Variants in CHST9 observed in about 807,000 individuals in gnomAD.
CHST9 encodes the protein carbohydrate sulfotransferase 9, also known as GalNAc-4-sulfotransferase 2.
Under a neutral mutation model 44.4 loss-of-function variants are expected in CHST9, and 41 were observed. The ratio of observed to expected loss-of-function variants is 0.92; its 90% confidence interval spans 0.72 to 1.20. The LOEUF is 1.20. CHST9 is among the 50% of genes most tolerant of loss of function. CHST9 has a pLI of 0.00. For missense variants in CHST9, 504 were observed against 516.5 expected (o/e 0.98, Z 0.23); for synonymous variants, 171 against 178.4 (o/e 0.96, Z 0.33).
intron 2 of CHST9, among the ~76,000 whole-genome samples, chr18:27,053,127 AGAG>A (rs1371448182): frequency 8.5e-6 from 1 of 117,338 alleles, no homozygotes; most frequent in East Asian, 2.4e-4. Context: ...AGGAGGAAGA[AGAG>A]GAAGAAGAAG....
At chr18:27,105,732 T>C (rs1036319602) in intron 2 of CHST9, among the ~76,000 whole-genome samples, 2 of 152,194 alleles carry the variant, frequency 1.3e-5, no homozygotes. Flanking sequence ...TGATTGTGAT[T>C]ACACATGCAG....
intron 1 of CHST9, among the ~76,000 whole-genome samples, chr18:27,153,574 G>GTGTA (rs1555628632): frequency 1.3e-5 from 2 of 148,708 alleles, no homozygotes; most frequent in Non-Finnish European, 3.0e-5. Context: ...GTGTATGTGT[G>GTGTA]TGTGTGTGTG....
chr18:27,068,464 A>G (rs747268700), intron 2 of CHST9, among the ~76,000 whole-genome samples: 48 of 152,154 alleles, frequency 3.2e-4, no homozygotes, highest in Admixed American at 7.9e-4. Flanking sequence ...TCATATCATT[A>G]TATAAGTTTA....
intron 4 of CHST9, among the ~76,000 whole-genome samples, chr18:27,002,431 G>A (rs956942967): frequency 6.6e-6 from 1 of 152,114 alleles, no homozygotes; most frequent in Non-Finnish European, 1.5e-5. Flanking sequence ...ATCAGCTTAT[G>A]ATTTTTCAGT....
At position 26,917,349 on chromosome 18, in the gene CHST9, T is replaced by C. The variant is rs904246357; in HGVS notation, c.242A>G (p.Asn81Ser). ...EKIQEHITNQ[N>S]PKFHMPEDVR... is the part of the protein sequence containing the mutation. ...ATCCTCAGGCATGTGAAACTTGGGG[T>C]TCTGTTAAAATAAAGAAGGAGAAAT... The change falls in exon 6 of 6, where the codon AAC becomes AGC. Residue 81 changes from asparagine (N) to serine (S), a missense_variant and splice_region_variant. Asn to Ser is a conservative substitution (Grantham distance 46, BLOSUM62 1). Transcript: ENST00000618847. The C allele has an allele frequency of 1.2e-6, 2 of 1,607,558 alleles. No individual in the cohort carries two copies. The highest frequency in any genetic ancestry group is 1.3e-5 in the African/African-American group (1 of 74,484).
chr18:27,091,272 T>C (rs186037900), intron 2 of CHST9, among the ~76,000 whole-genome samples: 12 of 152,290 alleles, frequency 7.9e-5, no homozygotes, highest in Admixed American at 3.9e-4. Context: ...ATAGGAATGC[T>C]TGTAATTTTT....
At chr18:27,045,408 C>T (rs1201055663) in intron 3 of CHST9, among the ~76,000 whole-genome samples, 1 of 151,850 alleles carries the variant, frequency 6.6e-6, no homozygotes, top group African/African-American at 2.4e-5. Context: ...TTCCATGGCC[C>T]ACAAAGAGGT....
intron 1 of CHST9, among the ~76,000 whole-genome samples, chr18:27,158,863 G>A (rs548888739): frequency 3.6e-4 from 55 of 152,314 alleles, no homozygotes; most frequent in African/African-American, 1.2e-3. Context: ...CAGTGATGAT[G>A]AGCATTTTTT....
At chr18:27,009,229 A>G (rs1046312072) in intron 4 of CHST9, among the ~76,000 whole-genome samples, 16 of 151,878 alleles carry the variant, frequency 1.1e-4, no homozygotes, top group African/African-American at 3.9e-4. Flanking sequence ...CCTGGACTAC[A>G]CTCTATTTTA....
At chr18:27,105,976 C>T (rs1042847905) in intron 2 of CHST9, among the ~76,000 whole-genome samples, 3 of 151,974 alleles carry the variant, frequency 2.0e-5, no homozygotes, top group African/African-American at 4.8e-5. Context: ...TTTAGGATTC[C>T]GACTCACTGT....
chr18:27,166,966 G>A (rs1383952292), intron 1 of CHST9, among the ~76,000 whole-genome samples: 1 of 152,232 alleles, frequency 6.6e-6, no homozygotes, highest in Non-Finnish European at 1.5e-5. Flanking sequence ...GGAGCTAGGG[G>A]TAGAGTCCTT....
chr18:27,010,533 A>T (rs947901953), intron 4 of CHST9, among the ~76,000 whole-genome samples: 7 of 152,116 alleles, frequency 4.6e-5, no homozygotes, highest in African/African-American at 1.7e-4. Flanking sequence ...ACAGCCTCGA[A>T]CTTGTATCCT....
chr18:26,937,701 C>A (rs2056018630), intron 5 of CHST9, among the ~76,000 whole-genome samples: 1 of 152,274 alleles, frequency 6.6e-6, no homozygotes, highest in African/African-American at 2.4e-5. Flanking sequence ...TAAGATGAAT[C>A]TTTTGATTTG....
At chr18:27,150,754 G>A (rs903792212) in intron 1 of CHST9, among the ~76,000 whole-genome samples, 1 of 152,128 alleles carries the variant, frequency 6.6e-6, no homozygotes, top group African/African-American at 2.4e-5. Context: ...TTCTTTGTCT[G>A]TAAGAACAGG....
intron 4 of CHST9, among the ~76,000 whole-genome samples, chr18:27,001,745 G>T: frequency 6.6e-6 from 1 of 152,144 alleles, no homozygotes; most frequent in African/African-American, 2.4e-5. Flanking sequence ...AGTTATTGAG[G>T]ATCTCATTTC....
intron 2 of CHST9, among the ~76,000 whole-genome samples, chr18:27,095,571 G>A (rs2058108798): frequency 6.6e-6 from 1 of 152,064 alleles, no homozygotes; most frequent in Admixed American, 6.6e-5. Flanking sequence ...ACGCCAATAG[G>A]CTCAAAGCAA....
Position 26,917,258 on chromosome 18 carries a change from G to A in CHST9, c.333C>T (p.Thr111=). The change falls in exon 6 of 6, where the codon ACC becomes ACT. Residue 111 remains threonine, a synonymous_variant. Transcript: ENST00000618847. ...SERSTRLLTK[T]SHSQGGDQAL... ...CTTGATCCCCTCCTTGTGAATGACT[G>A]GTCTTTGTTAAGAGCCTAGTAGATC... 6.2e-7 allele frequency: 1 copy of A among 1,613,746 alleles called. No homozygotes were observed. The highest frequency in any genetic ancestry group is 8.5e-7 in the Non-Finnish European group (1 of 1,179,792).
In CHST9 at chr18:26,916,557, C is replaced by T. The variant is rs752600019; in HGVS notation, c.1034G>A (p.Gly345Glu). 3.1e-6 allele frequency: 5 copies of T among 1,613,760 alleles called. No individual in the cohort carries two copies. The highest frequency in any genetic ancestry group is 1.3e-5 in the African/African-American group (1 of 75,028). Residue 345 changes from glycine to glutamate, a missense_variant, in exon 6 of 6, where the codon GGA (glycine) becomes GAA (glutamate). Physicochemically the swap from Gly to Glu is moderately conservative, Grantham distance 98. Coordinates refer to ENST00000618847, the MANE Select transcript of CHST9 (RefSeq NM_031422.6). ...GACCTTTTCCCAGTGAATGTCCATTCCTACTGGACGGTGGGAATCCAGCAA... is the reference window on the plus strand; with the variant it reads ...GACCTTTTCCCAGTGAATGTCCATTTCTACTGGACGGTGGGAATCCAGCAA... Reference protein sequence around the residue: ...HYLLDSHRPVGMDIHWEKVSK... With the variant: ...HYLLDSHRPVEMDIHWEKVSK...
At chr18:27,157,499 C>A (rs1200027573) in intron 1 of CHST9, among the ~76,000 whole-genome samples, 1 of 152,130 alleles carries the variant, frequency 6.6e-6, no homozygotes, top group Non-Finnish European at 1.5e-5. Flanking sequence ...GGTTAGCCTG[C>A]AACCATTTAA....
Sources: gnomAD v4.1 joint callset for allele counts (sites outside exome capture counted in the v4.1 genomes callset) on GRCh38, gnomAD v4.1.1 for gene constraint, MANE v1.5 for transcripts, NCBI Gene and HGNC (gene_info 2026-07-23, HGNC 2026-07-21) for gene names.